The following HMCN1 variants were observed in gnomAD, a reference collection of about 807,000 sequenced individuals.
HMCN1 encodes the protein hemicentin 1, also known as hemicentin-1.
HMCN1 carries 321 observed loss-of-function variants against 625.9 expected under a neutral mutation model. That is an observed-to-expected ratio of 0.51 (90% confidence interval 0.47 to 0.56). HMCN1 has a LOEUF of 0.56. Among genes scored for constraint, HMCN1 ranks in the 20% least tolerant of loss-of-function variants. The pLI, the probability that HMCN1 is intolerant of heterozygous loss-of-function variation, is 0.00. For synonymous variants in HMCN1, 2,425 were observed against 2,417.6 expected (o/e 1.00, Z -0.09); for missense variants, 6,588 against 6,887.3 (o/e 0.96, Z 1.54).
chr1:185,942,188 C>T (rs1191136929), intron 11 of HMCN1, among the ~76,000 whole-genome samples: 6 of 124,142 alleles, frequency 4.8e-5, no homozygotes, highest in African/African-American at 1.9e-4. Flanking sequence ...GAGACTCCAT[C>T]TCAAAAAAAA....
intron 21 of HMCN1, 113 bp downstream of exon 21, chr1:185,989,760 C>T (rs922986542): frequency 1.5e-5 from 14 of 934,114 alleles, no homozygotes; most frequent in Non-Finnish European, 2.1e-5. Flanking sequence ...TGAACTGCTC[C>T]CCCAGATTTC....
chr1:185,758,734 T>G (rs1322106297), intron 1 of HMCN1, among the ~76,000 whole-genome samples: 3 of 152,216 alleles, frequency 2.0e-5, no homozygotes, highest in African/African-American at 7.2e-5. Flanking sequence ...CCTCATATTT[T>G]TCTTCCTCTT....
intron 42 of HMCN1, among the ~76,000 whole-genome samples, chr1:186,052,471 G>C (rs1657021401): frequency 6.6e-6 from 1 of 152,044 alleles, no homozygotes; most frequent in Non-Finnish European, 1.5e-5. Context: ...GAAATATGCA[G>C]TATGTCCTTT....
chr1:185,879,363 G>T (rs1431007601), intron 4 of HMCN1, among the ~76,000 whole-genome samples: 2 of 151,934 alleles, frequency 1.3e-5, no homozygotes, highest in African/African-American at 2.4e-5. Flanking sequence ...GTAGAGAGGG[G>T]GTCTTTCTAT....
At chr1:186,063,103 T>TATATATATATATAA (rs1657859128) in intron 48 of HMCN1, among the ~76,000 whole-genome samples, 2 of 130,056 alleles carry the variant, frequency 1.5e-5, no homozygotes, top group African/African-American at 2.9e-5. Flanking sequence ...TATATATATA[T>TATATATATATATAA]CACATTTTCA....
At chr1:185,781,040 T>C (rs765071239) in intron 1 of HMCN1, among the ~76,000 whole-genome samples, 36 of 152,252 alleles carry the variant, frequency 2.4e-4, no homozygotes, top group Non-Finnish European at 3.5e-4. Flanking sequence ...GTTATTGGTC[T>C]ATTCAGAGAT....
At chr1:185,797,462 T>C (rs1250905305) in intron 1 of HMCN1, among the ~76,000 whole-genome samples, 1 of 152,216 alleles carries the variant, frequency 6.6e-6, no homozygotes, top group Non-Finnish European at 1.5e-5. Flanking sequence ...CTACCATATC[T>C]GGCTAATTAA....
In HMCN1 at chr1:185,735,144, A is replaced by AT. The variant is rs528525287; in HGVS notation, c.268+101dup. The stretch of plus-strand genomic sequence containing the variant: ...TTGTTTGTCAGGAAGTTTCAAAACC[A>AT]TTTTAAAAAAATGTGCAGCTGAAAA... On this transcript the variant is annotated intron_variant, in intron 1 of 106. Coordinates refer to ENST00000271588, the MANE Select transcript of HMCN1 (RefSeq NM_031935.3). 437 of 1,377,550 alleles carry AT rather than the reference A, an allele frequency of 3.2e-4. 2 individuals are homozygous for AT. In the African/African-American group the frequency reaches 5.9e-3, roughly 18 times the overall value. 85.3% of individuals were successfully genotyped at this position (1,377,550 alleles called of 1,614,324 possible).
chr1:185,757,542 G>T (rs1206045678), intron 1 of HMCN1, among the ~76,000 whole-genome samples: 1 of 152,020 alleles, frequency 6.6e-6, no homozygotes, highest in Admixed American at 6.6e-5. Context: ...GTTGCCTCCT[G>T]CTGCCCCTAA....
intron 71 of HMCN1, among the ~76,000 whole-genome samples, chr1:186,112,544 G>A (rs1485226117): frequency 6.6e-6 from 1 of 152,176 alleles, no homozygotes; most frequent in Non-Finnish European, 1.5e-5. Context: ...GAGGACTCTG[G>A]TAGGCCTGAT....
At chr1:186,022,895 C>T in intron 35 of HMCN1, 135 bp from the exon 36 acceptor site, 1 of 866,834 alleles carries the variant, frequency 1.2e-6, no homozygotes, top group Non-Finnish European at 1.9e-6. Flanking sequence ...TCTAGTCTAT[C>T]AAGGGTTTAT....
Position 185,923,540 on chromosome 1 carries a change from T to C in HMCN1, c.1172T>C (p.Ile391Thr). The C allele has an allele frequency of 6.2e-7, 1 of 1,612,446 alleles. No homozygotes were observed. Among genetic ancestry groups the C allele is most frequent in the South Asian group, 1.1e-5 (1 of 91,058 alleles). The change falls in exon 8 of 107, where the codon ATT (isoleucine) becomes ACT (threonine). Residue 391 changes from isoleucine (I) to threonine (T), a missense_variant. Around this residue, in one of 3 missense-constraint regions of HMCN1, gnomAD observed 4,628 missense variants for 4,853.1 expected, o/e 0.95. Transcript: ENST00000271588. ...CGAAAACCTTATGGCATATGGAATA[T>C]TTCTGACTTTGTACCACCAAATGAA... is the stretch of plus-strand genomic sequence containing the variant. ...PHRKPYGIWN[I>T]SDFVPPNEAF...
intron 4 of HMCN1, among the ~76,000 whole-genome samples, chr1:185,878,797 G>A (rs1292876208): frequency 1.3e-5 from 2 of 152,158 alleles, no homozygotes; most frequent in African/African-American, 2.4e-5. Flanking sequence ...TTAACTGAAT[G>A]TTTTGAATGA....
intron 11 of HMCN1, among the ~76,000 whole-genome samples, chr1:185,945,967 T>C (rs1288433183): frequency 6.6e-6 from 1 of 152,224 alleles, no homozygotes; most frequent in East Asian, 1.9e-4. Flanking sequence ...AGTTATGCTC[T>C]GGGAGATTTA....
At position 186,087,547 on chromosome 1, in the gene HMCN1, C is replaced by G. The variant is rs1295508594; in HGVS notation, c.9265C>G (p.Pro3089Ala). ...GTGTGAGTCGAACGCTGTGCCACCT[C>G]CAGTCATCACTTGGTATAAGAATGG... Reference protein sequence around the residue: ...LECESNAVPPPVITWYKNGRM... With the variant: ...LECESNAVPPAVITWYKNGRM... The change falls in exon 60 of 107, where the codon CCA becomes GCA. Residue 3089 changes from proline to alanine, a missense_variant. Pro to Ala is a conservative substitution (Grantham distance 27). Coordinates refer to ENST00000271588, the MANE Select transcript of HMCN1 (RefSeq NM_031935.3). 2 of 1,613,262 alleles carry G rather than the reference C, an allele frequency of 1.2e-6. No individual in the cohort carries two copies. Among genetic ancestry groups the G allele is most frequent in the East Asian group, 4.5e-5 (2 of 44,850 alleles).
At chr1:185,900,890 G>C (rs1281167203) in intron 4 of HMCN1, among the ~76,000 whole-genome samples, 3 of 151,808 alleles carry the variant, frequency 2.0e-5, no homozygotes, top group African/African-American at 7.3e-5. Context: ...GATTGAATAT[G>C]TTAAAGTATC....
At chr1:185,790,866 C>T (rs1298273040) in intron 1 of HMCN1, among the ~76,000 whole-genome samples, 1 of 152,054 alleles carries the variant, frequency 6.6e-6, no homozygotes, top group Non-Finnish European at 1.5e-5. Flanking sequence ...TAAGCCTTAG[C>T]TTATTTATTT....
intron 20 of HMCN1, among the ~76,000 whole-genome samples, chr1:185,989,048 C>T (rs1007913948): frequency 1.4e-5 from 2 of 140,628 alleles, no homozygotes; most frequent in East Asian, 2.1e-4. Flanking sequence ...CGCTCTGTCA[C>T]ACAGGCTGGA....
intron 4 of HMCN1, among the ~76,000 whole-genome samples, chr1:185,905,713 A>G (rs749883607): frequency 4.0e-5 from 6 of 151,854 alleles, no homozygotes; most frequent in African/African-American, 7.2e-5. Context: ...GAGTAGATAT[A>G]TGGACTATTT....
Sources: allele counts gnomAD v4.1 joint callset (sites outside exome capture counted in the v4.1 genomes callset), GRCh38; gene constraint gnomAD v4.1.1; regional missense constraint gnomAD v4.1.1; transcripts MANE v1.5; gene names NCBI Gene and HGNC (gene_info 2026-07-23, HGNC 2026-07-21).